Variants in PLCB4 observed in about 807,000 individuals in gnomAD.
PLCB4 encodes the protein 1-phosphatidylinositol 4,5-bisphosphate phosphodiesterase beta-4.
Under a neutral mutation model 178.8 loss-of-function variants are expected in PLCB4, and 77 were observed. That is an observed-to-expected ratio of 0.43 (90% confidence interval 0.36 to 0.52). The LOEUF (loss-of-function observed/expected upper bound fraction) is 0.52. Among genes scored for constraint, PLCB4 ranks in the 20% least tolerant of loss-of-function variants. The probability of loss-of-function intolerance (pLI) is 0.00; values close to 1 mark genes in which losing one functional copy is unlikely to be tolerated. For missense variants in PLCB4, 1,024 were observed against 1,453.4 expected (o/e 0.70, Z 4.80); for synonymous variants, 496 against 490.8 (o/e 1.01, Z -0.14).
chr20:9,256,807 A>C (rs2094241140), intron 3 of PLCB4, among the ~76,000 whole-genome samples: 1 of 152,254 alleles, frequency 6.6e-6, no homozygotes, highest in Admixed American at 6.5e-5. Context: ...ATTACTTGAG[A>C]ATGGTTTTCT....
rs1048729041 is a variant in PLCB4, at chr20:9,437,212, A to G, written c.2764+60A>G. On this transcript the variant is annotated intron_variant, in intron 30 of 39. Transcript: ENST00000378473. ...ACCCACCTTAATTACACAGTGTACA[A>G]TATCTATAGCTTTAGGAAATATATA... The G allele has an allele frequency of 1.3e-5, 19 of 1,429,060 alleles. No individual in the cohort carries two copies. The South Asian group carries it at 1.5e-4, about 11-fold the overall frequency. The allele number at this position is 1,429,060 out of a possible 1,614,324, so 88.5% of individuals were successfully genotyped here.
At chr20:9,288,914 T>A (rs2094557537) in intron 3 of PLCB4, among the ~76,000 whole-genome samples, 1 of 152,080 alleles carries the variant, frequency 6.6e-6, no homozygotes, top group Non-Finnish European at 1.5e-5. Context: ...CAAAGTCTTT[T>A]TTCCTTTTTT....
At chr20:9,072,975 C>G (rs1276069694) in intron 1 of PLCB4, among the ~76,000 whole-genome samples, 1 of 152,202 alleles carries the variant, frequency 6.6e-6, no homozygotes, top group African/African-American at 2.4e-5. Context: ...ATGTCACACA[C>G]CATGTGACCA....
chr20:9,206,283 CTTTT>C (rs1255289232), intron 2 of PLCB4, among the ~76,000 whole-genome samples: 3 of 139,552 alleles, frequency 2.1e-5, no homozygotes, highest in African/African-American at 8.1e-5. Flanking sequence ...CTCCTCCTGC[CTTTT>C]TTTTCTTTTT....
At chr20:9,194,083 C>T (rs1568929193) in intron 2 of PLCB4, among the ~76,000 whole-genome samples, 1 of 151,844 alleles carries the variant, frequency 6.6e-6, no homozygotes. Flanking sequence ...TTTTAAACAA[C>T]TGAATGATTA....
chr20:9,311,172 C>G (rs2094828895), intron 4 of PLCB4, among the ~76,000 whole-genome samples: 1 of 152,202 alleles, frequency 6.6e-6, no homozygotes, highest in Non-Finnish European at 1.5e-5. Context: ...AACCCATTCC[C>G]TGGCAGGTCA....
At chr20:9,162,968 G>T (rs1463917898) in intron 2 of PLCB4, among the ~76,000 whole-genome samples, 1 of 152,040 alleles carries the variant, frequency 6.6e-6, no homozygotes, top group East Asian at 1.9e-4. Flanking sequence ...CCAATTTCTG[G>T]GGTTTAAATA....
intron 3 of PLCB4, among the ~76,000 whole-genome samples, chr20:9,300,325 A>G (rs1254920088): frequency 6.6e-6 from 1 of 152,066 alleles, no homozygotes; most frequent in Non-Finnish European, 1.5e-5. Flanking sequence ...TGGGGAAGGG[A>G]TTAATTTGTT....
chr20:9,296,434 GT>G (rs2147797151), intron 3 of PLCB4, among the ~76,000 whole-genome samples: 1 of 152,332 alleles, frequency 6.6e-6, no homozygotes, highest in Admixed American at 6.5e-5. Flanking sequence ...TTCAACCATT[GT>G]GGAAGTCAGT....
At chr20:9,437,253 G>C in intron 30 of PLCB4, 101 bp downstream of exon 30, 1 of 1,089,718 alleles carries the variant, frequency 9.2e-7, no homozygotes, top group Non-Finnish European at 1.3e-6. Context: ...GAAGTTCTTT[G>C]TGGGAAAGAA....
intron 21 of PLCB4, among the ~76,000 whole-genome samples, chr20:9,406,926 G>A (rs774859628): frequency 6.6e-6 from 1 of 152,090 alleles, no homozygotes; most frequent in South Asian, 2.1e-4. Flanking sequence ...AGGTATTTTT[G>A]TTGTTGGTTT....
intron 2 of PLCB4, among the ~76,000 whole-genome samples, chr20:9,140,401 G>T (rs912023039): frequency 6.6e-6 from 1 of 152,080 alleles, no homozygotes; most frequent in Admixed American, 6.6e-5. Context: ...GTCTTCCTCA[G>T]GGCTGCAGTG....
At chr20:9,426,077 T>C (rs1289866200) in intron 28 of PLCB4, among the ~76,000 whole-genome samples, 1 of 151,882 alleles carries the variant, frequency 6.6e-6, no homozygotes, top group Non-Finnish European at 1.5e-5. Context: ...AAGTTCAAGA[T>C]GAAGCTCAGC....
intron 2 of PLCB4, among the ~76,000 whole-genome samples, chr20:9,191,847 A>G (rs934966563): frequency 1.1e-4 from 17 of 150,934 alleles, no homozygotes; most frequent in Non-Finnish European, 1.5e-5. Flanking sequence ...TGCTATGGTC[A>G]TGGCTATGTC....
chr20:9,218,174 A>C (rs986100583), intron 3 of PLCB4, among the ~76,000 whole-genome samples: 1 of 152,108 alleles, frequency 6.6e-6, no homozygotes, highest in Non-Finnish European at 1.5e-5. Flanking sequence ...GCAGTGGCGC[A>C]ATCTCGGCTC....
chr20:9,363,014 A>G lies in PLCB4; in HGVS notation c.449+39A>G, dbSNP rs1555806699. 2.9e-6 allele frequency: 4 copies of G among 1,392,932 alleles called. 1 individual carries two copies. The South Asian group carries it at 3.5e-5, about 12-fold the overall frequency. The allele number at this position is 1,392,932 out of a possible 1,614,324, so 86.3% of individuals were successfully genotyped here. On this transcript the variant is annotated intron_variant, in intron 8 of 39. Coordinates refer to ENST00000378473, the MANE Select transcript of PLCB4 (RefSeq NM_001377142.1). ...GCATTACTCGTTTTTCTTGGCAGTTATCAAACAAATGGTCAGATGAAGAGA... is the reference window on the plus strand; with the variant it reads ...GCATTACTCGTTTTTCTTGGCAGTTGTCAAACAAATGGTCAGATGAAGAGA...
Position 9,449,370 on chromosome 20 carries a change from A to G in PLCB4, c.2881-3977A>G, listed in dbSNP as rs145796190. On this transcript the variant is annotated intron_variant, in intron 32 of 39. Transcript: ENST00000378473. ...TACAATTCAAATGCCTATGGGGTCCAAGCAGGAAGTAGCTGAGGGAAGTTG... is the reference window on the plus strand; with the variant it reads ...TACAATTCAAATGCCTATGGGGTCCGAGCAGGAAGTAGCTGAGGGAAGTTG... Among the ~76,000 whole-genome samples, 607 of 152,234 alleles carry G rather than the reference A, an allele frequency of 4.0e-3. 5 individuals carry two copies. The highest frequency in any genetic ancestry group is 0.012 in the South Asian group (56 of 4,826).
At chr20:9,408,829 A>G (rs1021810542) in intron 23 of PLCB4, 112 bp downstream of exon 23, 17 of 714,358 alleles carry the variant, frequency 2.4e-5, no homozygotes, top group African/African-American at 2.3e-4. Flanking sequence ...TCATAAAATG[A>G]TATGTGGGAA....
chr20:9,398,427 A>G (rs542313225), intron 19 of PLCB4, among the ~76,000 whole-genome samples: 5 of 152,340 alleles, frequency 3.3e-5, no homozygotes, highest in East Asian at 1.9e-4. Flanking sequence ...CTGTGTTTCA[A>G]ATGGTCAAGA....
Sources: gnomAD v4.1 joint callset for allele counts (sites outside exome capture counted in the v4.1 genomes callset) on GRCh38, gnomAD v4.1.1 for gene constraint, MANE v1.5 for transcripts, NCBI Gene and HGNC (gene_info 2026-07-23, HGNC 2026-07-21) for gene names.